Variants in GCNT4 observed in about 807,000 individuals in gnomAD.
GCNT4 encodes beta-1,3-galactosyl-O-glycosyl-glycoprotein beta-1,6-N-acetylglucosaminyltransferase 4.
GCNT4 carries 17 observed loss-of-function variants against 31.3 expected under a neutral mutation model. The observed-to-expected ratio is 0.54, with a 90% confidence interval of 0.37 to 0.81. The LOEUF is 0.81. Among genes scored for constraint, GCNT4 ranks in the 40% least tolerant of loss-of-function variants. GCNT4 has a pLI of 0.00. For missense variants in GCNT4, 503 were observed against 525.5 expected, an observed-to-expected ratio of 0.96 and a Z score of 0.42; for synonymous variants, 158 against 190.6, an observed-to-expected ratio of 0.83 and a Z score of 1.41.
chr5:75,043,656 C>T (rs777874775), intron 3 of GCNT4, among the ~76,000 whole-genome samples: 20 of 152,136 alleles, frequency 1.3e-4, no homozygotes, highest in African/African-American at 4.8e-4. Flanking sequence ...CCTCAGCCCC[C>T]GTATCCTCAA....
At chr5:75,024,603 C>A (rs1281112640), downstream of GCNT4, among the ~76,000 whole-genome samples, 1 of 152,074 alleles carries the variant, frequency 6.6e-6, no homozygotes, top group Admixed American at 6.6e-5. Context: ...GAATCCTCCA[C>A]CAGCAAGGCC....
chr5:75,046,446 G>T (rs1260448210), intron 3 of GCNT4, among the ~76,000 whole-genome samples: 6 of 152,154 alleles, frequency 3.9e-5, no homozygotes, highest in Admixed American at 1.3e-4. Context: ...GTTCCTTCTG[G>T]TCCTGGGCCG....
chr5:75,027,329 TCATATACAATATATG>T lies in GCNT4; in HGVS notation c.*1332_*1346del, dbSNP rs1561372007. ...AATTATATGTATATATAATATATAT[TCATATACAATATATG>T]TATATATAATATATATATTTATATA... On this transcript the variant is annotated 3_prime_UTR_variant, in exon 4 of 4. Coordinates refer to ENST00000652361, the MANE Select transcript of GCNT4 (RefSeq NM_001366737.1). The T allele has an allele frequency of 5.6e-4, 26 of 46,482 alleles. No individual in the cohort carries two copies. The highest frequency in any genetic ancestry group is 4.2e-3 in the Admixed American group (13 of 3,100). 2.9% of individuals were successfully genotyped at this position (46,482 alleles called of 1,614,324 possible). A position where few individuals can be genotyped will look rare whatever the true frequency, so the allele number is the denominator to read the frequency against.
chr5:75,028,603 G>C lies in GCNT4; in HGVS notation c.*73C>G. ...GAGGACTGAGTTTAAACAGTATTGG[G>C]CATAGTATGGTATTCAATTCCACAC... On this transcript the variant is annotated 3_prime_UTR_variant, in exon 4 of 4. Coordinates refer to ENST00000652361, the MANE Select transcript of GCNT4 (RefSeq NM_001366737.1). 1 of 1,360,074 alleles carries C rather than the reference G, an allele frequency of 7.4e-7. No homozygotes were observed. 84.3% of individuals were successfully genotyped at this position (1,360,074 alleles called of 1,614,324 possible).
At chr5:75,037,705 C>A (rs911377358) in intron 3 of GCNT4, among the ~76,000 whole-genome samples, 2 of 151,738 alleles carry the variant, frequency 1.3e-5, no homozygotes, top group East Asian at 3.9e-4. Context: ...GGTGAAACTC[C>A]GTCTCTACTG....
rs5868758 is a variant in GCNT4, at chr5:75,027,363, TTA to T, written c.*1311_*1312del. 1 of 137,546 alleles carries T rather than the reference TTA, an allele frequency of 7.3e-6. No homozygotes were observed. Among genetic ancestry groups the T allele is most frequent in the Non-Finnish European group, 1.5e-5 (1 of 65,436 alleles). The allele number at this position is 137,546 out of a possible 1,614,324, so 8.5% of individuals were successfully genotyped here. On this transcript the variant is annotated 3_prime_UTR_variant, in exon 4 of 4. Transcript: ENST00000652361. ...ATATATGTATATATAATATATATAT[TTA>T]TATATTATATATGTAATGGAATTGT...
intron 3 of GCNT4, among the ~76,000 whole-genome samples, chr5:75,046,951 T>C (rs56959435): frequency 0.073 from 11,088 of 152,316 alleles, 581 homozygotes; most frequent in South Asian, 0.23. Flanking sequence ...AACAGTCTTA[T>C]CAAGGACAGA....
At position 75,047,987 on chromosome 5, in the gene GCNT4, A is replaced by C. The variant is rs768253698; in HGVS notation, c.-92T>G. 2 of 152,234 alleles carry C rather than the reference A, an allele frequency of 1.3e-5. No individual in the cohort carries two copies. Among genetic ancestry groups the C allele is most frequent in the Non-Finnish European group, 2.9e-5 (2 of 68,042 alleles). The allele number at this position is 152,234 out of a possible 1,614,324, so 9.4% of individuals were successfully genotyped here. A position where few individuals can be genotyped will look rare whatever the true frequency, so the allele number is the denominator to read the frequency against. On this transcript the variant is annotated 5_prime_UTR_variant, in exon 3 of 4. Coordinates refer to ENST00000652361, the MANE Select transcript of GCNT4 (RefSeq NM_001366737.1). ...CCGTCAGTTACTGAGGAGGTGCTAC[A>C]GATGGCTGTACTGGGACAGTGACCG...
At position 75,029,812 on chromosome 5, in the gene GCNT4, T is replaced by TA. The variant is rs1204227169; in HGVS notation, c.225dup (p.Ile76TyrfsTer3). ...ATTTCCAAAGGCTCCTGTTCATAGA[T>TA]ACCCGAACAGTTAACTTCATACCTG... is the stretch of plus-strand genomic sequence containing the variant. On this transcript the variant is annotated frameshift_variant, in exon 4 of 4. Transcript: ENST00000652361. LOFTEE classifies it high-confidence loss of function. 1 of 1,614,154 alleles carries TA rather than the reference T, an allele frequency of 6.2e-7. No individual in the cohort carries two copies.
intron 2 of GCNT4, among the ~76,000 whole-genome samples, chr5:75,050,121 G>A (rs1743535138): frequency 6.6e-6 from 1 of 152,226 alleles, no homozygotes; most frequent in Admixed American, 6.5e-5. Context: ...GTCAGACCCA[G>A]GAGCTCAGCA....
intron 3 of GCNT4, among the ~76,000 whole-genome samples, chr5:75,034,071 C>T (rs1287464697): frequency 6.6e-6 from 1 of 152,174 alleles, no homozygotes; most frequent in Non-Finnish European, 1.5e-5. Flanking sequence ...ATTCCTTTCC[C>T]CAAAGAGGTG....
At chr5:75,018,023 TC>T in the GCNT4 span, among the ~76,000 whole-genome samples, 1 of 152,060 alleles carries the variant, frequency 6.6e-6, no homozygotes, top group Non-Finnish European at 1.5e-5. Context: ...TCAGGCCCAA[TC>T]CCAGAAATAC....
rs1045988021 is a variant in GCNT4, at chr5:75,028,187, G to A, written c.*489C>T. On this transcript the variant is annotated 3_prime_UTR_variant, in exon 4 of 4. Coordinates refer to ENST00000652361, the MANE Select transcript of GCNT4 (RefSeq NM_001366737.1). Reference sequence around the variant, plus strand: ...TTTCCTCCTCTGCTCTGATGGTTAAGAAATGTCTTGAAAGCTGAGTTAAGA... The same window carrying A: ...TTTCCTCCTCTGCTCTGATGGTTAAAAAATGTCTTGAAAGCTGAGTTAAGA... 1 of 154,094 alleles carries A rather than the reference G, an allele frequency of 6.5e-6. No homozygotes were observed. Among genetic ancestry groups the A allele is most frequent in the Admixed American group, 6.5e-5 (1 of 15,418 alleles). 9.5% of individuals were successfully genotyped at this position (154,094 alleles called of 1,614,324 possible).
intron 2 of GCNT4, among the ~76,000 whole-genome samples, chr5:75,051,111 C>T (rs1743560260): frequency 6.6e-6 from 1 of 152,206 alleles, no homozygotes; most frequent in African/African-American, 2.4e-5. Context: ...CTCTCCTCTC[C>T]TCTGGTCTCA....
intron 3 of GCNT4, among the ~76,000 whole-genome samples, chr5:75,036,139 C>T (rs1408977103): frequency 1.3e-5 from 2 of 150,960 alleles, no homozygotes; most frequent in Non-Finnish European, 2.9e-5. Context: ...ACTACATTTT[C>T]AACTTGTATT....
Position 75,030,054 on chromosome 5 carries a change from G to T in GCNT4, c.-1-16C>A, listed in dbSNP as rs536018306. The T allele has an allele frequency of 4.3e-5, 67 of 1,566,982 alleles. 2 individuals are homozygous for T. The South Asian group carries it at 7.8e-4, about 18-fold the overall frequency. ...TATCTTCATTCTGTAAGAGGAGAAA[G>T]AAATAATCCAGTTGGAATATTAACA... On this transcript the variant is annotated splice_polypyrimidine_tract_variant and intron_variant, in intron 3 of 3. Transcript: ENST00000652361.
intron 2 of GCNT4, among the ~76,000 whole-genome samples, chr5:75,050,350 C>G (rs1271683502): frequency 2.0e-5 from 3 of 152,174 alleles, no homozygotes; most frequent in Non-Finnish European, 2.9e-5. Context: ...ATCCAGACAT[C>G]CTGTGTGTTC....
chr5:75,043,683 T>C (rs1232687989), intron 3 of GCNT4, among the ~76,000 whole-genome samples: 1 of 152,126 alleles, frequency 6.6e-6, no homozygotes, highest in Non-Finnish European at 1.5e-5. Context: ...GAACCACCAC[T>C]AGCAAACACC....
intron 2 of GCNT4, among the ~76,000 whole-genome samples, chr5:75,049,561 A>G (rs1363657264): frequency 6.6e-6 from 1 of 152,242 alleles, no homozygotes; most frequent in Non-Finnish European, 1.5e-5. Context: ...GGAAAATTAC[A>G]AGCATATGGG....
Sources: gnomAD v4.1 joint callset for allele counts (sites outside exome capture counted in the v4.1 genomes callset) on GRCh38, gnomAD v4.1.1 for gene constraint, MANE v1.5 for transcripts, NCBI Gene and HGNC (gene_info 2026-07-23, HGNC 2026-07-21) for gene names.